The following PTPRN2 variants were observed in gnomAD, a reference collection of about 807,000 sequenced individuals.
PTPRN2 encodes receptor-type tyrosine-protein phosphatase N2.
PTPRN2 carries 74 observed loss-of-function variants against 118.8 expected under a neutral mutation model. That is an observed-to-expected ratio of 0.62 (90% CI 0.52 to 0.76). The LOEUF (loss-of-function observed/expected upper bound fraction) is 0.76, where lower values mean the gene tolerates loss of function less well. Among genes scored for constraint, PTPRN2 ranks in the 30% least tolerant of loss-of-function variants. The probability of loss-of-function intolerance (pLI) is 0.00; values close to 1 mark genes in which losing one functional copy is unlikely to be tolerated. For missense variants in PTPRN2, 1,481 were observed against 1,394.4 expected, an observed-to-expected ratio of 1.06 and a Z score of -0.99; for synonymous variants, 641 against 608.0, an observed-to-expected ratio of 1.05 and a Z score of -0.80.
At chr7:158,211,109 C>T (rs1226229982) in intron 3 of PTPRN2, among the ~76,000 whole-genome samples, 1 of 152,166 alleles carries the variant, frequency 6.6e-6, no homozygotes, top group African/African-American at 2.4e-5. Context: ...GCTGGGAAGA[C>T]TGGATAACCA....
At chr7:158,431,175 G>A (rs1019497603) in intron 2 of PTPRN2, among the ~76,000 whole-genome samples, 2 of 152,216 alleles carry the variant, frequency 1.3e-5, no homozygotes, top group African/African-American at 4.8e-5. Flanking sequence ...TGAGCCCCAG[G>A]CACACACTGC....
chr7:157,776,399 C>CT, intron 12 of PTPRN2, among the ~76,000 whole-genome samples: 1 of 93,910 alleles, frequency 1.1e-5, no homozygotes, highest in Non-Finnish European at 2.3e-5. Context: ...CCTCCTCCAT[C>CT]TCCTCCTCCT....
At chr7:157,772,268 TACAG>T (rs754155783) in intron 12 of PTPRN2, among the ~76,000 whole-genome samples, 22 of 73,820 alleles carry the variant, frequency 3.0e-4, no homozygotes, top group African/African-American at 2.0e-3. Context: ...CAGACACCCA[TACAG>T]ACATACACAG....
intron 12 of PTPRN2, among the ~76,000 whole-genome samples, chr7:157,755,184 C>T (rs1585387329): frequency 6.6e-6 from 1 of 152,150 alleles, no homozygotes; most frequent in African/African-American, 2.4e-5. Context: ...CACACCCAGA[C>T]AATATTATAA....
chr7:158,233,631 A>G (rs574726654), intron 3 of PTPRN2, among the ~76,000 whole-genome samples: 2 of 152,342 alleles, frequency 1.3e-5, no homozygotes, highest in South Asian at 2.1e-4. Flanking sequence ...TCTAAAATTT[A>G]CATAAGCTCA....
chr7:158,071,438 G>T (rs1585337436), intron 11 of PTPRN2, among the ~76,000 whole-genome samples: 1 of 126,530 alleles, frequency 7.9e-6, no homozygotes, highest in Non-Finnish European at 1.6e-5. Flanking sequence ...TGCTCGTGGT[G>T]GTGGAGGTGC....
At chr7:158,432,811 G>T (rs1336715332) in intron 2 of PTPRN2, among the ~76,000 whole-genome samples, 1 of 152,056 alleles carries the variant, frequency 6.6e-6, no homozygotes, top group Non-Finnish European at 1.5e-5. Flanking sequence ...TCACTAGAAT[G>T]GCTTACACTC....
At chr7:158,124,681 T>C (rs571455348) in intron 9 of PTPRN2, among the ~76,000 whole-genome samples, 2 of 152,144 alleles carry the variant, frequency 1.3e-5, no homozygotes, top group East Asian at 3.9e-4. Context: ...ACGGGACAGG[T>C]GCAGAGCTGG....
intron 3 of PTPRN2, among the ~76,000 whole-genome samples, chr7:158,313,501 G>A (rs917397840): frequency 1.3e-5 from 2 of 152,216 alleles, no homozygotes; most frequent in African/African-American, 4.8e-5. Context: ...CACCTGGGCA[G>A]ACGCTCAGCC....
chr7:158,216,355 T>C (rs1827955366), intron 3 of PTPRN2, among the ~76,000 whole-genome samples: 1 of 152,030 alleles, frequency 6.6e-6, no homozygotes, highest in Admixed American at 6.5e-5. Flanking sequence ...AAATGAGTTT[T>C]AAATCCTAAC....
Position 157,788,415 on chromosome 7 carries a change from C to A in PTPRN2, c.1789-105478G>T, listed in dbSNP as rs147254138. The stretch of plus-strand genomic sequence containing the variant: ...AAAGAAAGTACAGGAAGCTTTCAGC[C>A]TCCTTGGCAAGACACTGCTGTCTGG... On this transcript the variant is annotated intron_variant, in intron 12 of 22. Transcript: ENST00000389418. 2.2e-3 allele frequency among the ~76,000 whole-genome samples: 339 copies of A among 151,040 alleles called. 2 individuals carry two copies. The highest frequency in any genetic ancestry group is 8.1e-3 in the African/African-American group (332 of 40,774).
chr7:158,154,028 G>A lies in PTPRN2; in HGVS notation c.910+12903C>T, dbSNP rs184836979. On this transcript the variant is annotated intron_variant, in intron 6 of 22. Transcript: ENST00000389418. ...CCATGGGAGGGTTCGTTCAAGGTGT[G>A]GGGTCCGGGCTGGGCTGGGAGGCCC... Among the ~76,000 whole-genome samples the A allele has an allele frequency of 5.7e-3, 867 of 152,300 alleles. 7 individuals carry two copies. Among genetic ancestry groups the A allele is most frequent in the African/African-American group, 0.02 (817 of 41,562 alleles).
intron 2 of PTPRN2, among the ~76,000 whole-genome samples, chr7:158,330,818 CCGCAGACG>C (rs1804226977): frequency 1.0e-5 from 1 of 100,116 alleles, no homozygotes; most frequent in African/African-American, 3.4e-5. Flanking sequence ...GAGCTGACAC[CCGCAGACG>C]TCACTCACAT....
chr7:158,260,080 C>A (rs1044451220), intron 3 of PTPRN2, among the ~76,000 whole-genome samples: 1 of 152,144 alleles, frequency 6.6e-6, no homozygotes. Context: ...TGTGTATGTG[C>A]GTGCACGTCT....
intron 3 of PTPRN2, among the ~76,000 whole-genome samples, chr7:158,246,040 C>T (rs142407821): frequency 1.2e-4 from 19 of 152,118 alleles, no homozygotes; most frequent in African/African-American, 2.9e-4. Context: ...ACAATAAACA[C>T]CGCATGATGT....
intron 1 of PTPRN2, among the ~76,000 whole-genome samples, chr7:158,516,892 T>C (rs998699205): frequency 1.3e-5 from 2 of 152,198 alleles, no homozygotes; most frequent in African/African-American, 4.8e-5. Flanking sequence ...TTCTGCCTAT[T>C]GTTCCTGGTG....
intron 1 of PTPRN2, among the ~76,000 whole-genome samples, chr7:158,523,704 C>CGTCTACCCTGGAGTGGA (rs1824475193): frequency 9.2e-6 from 1 of 108,772 alleles, no homozygotes; most frequent in African/African-American, 3.7e-5. Flanking sequence ...GGAGTGGAGT[C>CGTCTACCCTGGAGTGGA]GTCTGCCCTG....
At chr7:158,130,802 T>C (rs1485118168) in intron 9 of PTPRN2, among the ~76,000 whole-genome samples, 3 of 148,308 alleles carry the variant, frequency 2.0e-5, no homozygotes, top group South Asian at 4.3e-4. Flanking sequence ...CCAATACTCA[T>C]CTACCCAACA....
At chr7:158,189,745 C>A (rs1019202283) in intron 5 of PTPRN2, among the ~76,000 whole-genome samples, 1 of 152,206 alleles carries the variant, frequency 6.6e-6, no homozygotes, top group African/African-American at 2.4e-5. Context: ...CGTCTGGGGA[C>A]GTGACGTCAC....
Sources: gnomAD v4.1 joint callset for allele counts (sites outside exome capture counted in the v4.1 genomes callset) on GRCh38, gnomAD v4.1.1 for gene constraint, MANE v1.5 for transcripts, NCBI Gene and HGNC (gene_info 2026-07-23, HGNC 2026-07-21) for gene names.